Variants in ZPBP observed in about 807,000 individuals in gnomAD.
The protein encoded by ZPBP is zona pellucida-binding protein 1.
In ZPBP, 26 loss-of-function variants were observed where a neutral mutation model predicts 44.8. That is an observed-to-expected ratio of 0.58 (90% confidence interval 0.43 to 0.81). ZPBP has a LOEUF of 0.81. ZPBP is among the 30% of genes least tolerant of loss of function. The pLI, the probability that ZPBP is intolerant of heterozygous loss-of-function variation, is 0.00. For synonymous variants in ZPBP, 174 were observed against 153.2 expected, an observed-to-expected ratio of 1.14 and a Z score of -1.00; for missense variants, 409 against 434.0, an observed-to-expected ratio of 0.94 and a Z score of 0.51.
chr7:50,039,780 C>A (rs992529060), intron 4 of ZPBP, among the ~76,000 whole-genome samples: 1 of 151,928 alleles, frequency 6.6e-6, no homozygotes, highest in Non-Finnish European at 1.5e-5. Context: ...TACAAAATTA[C>A]GTAAAATAAT....
At chr7:49,931,845 G>T (rs1257974771) in intron 1 of ZPBP, among the ~76,000 whole-genome samples, 5 of 152,214 alleles carry the variant, frequency 3.3e-5, no homozygotes, top group Non-Finnish European at 7.3e-5. Context: ...AAGGCCTAGG[G>T]CCCCCCTGCT....
chr7:50,001,864 T>G (rs969186904), intron 6 of ZPBP, among the ~76,000 whole-genome samples: 9 of 152,166 alleles, frequency 5.9e-5, no homozygotes, highest in Admixed American at 2.0e-4. Flanking sequence ...GAGTGAGCCC[T>G]CAGAACTGTG....
intron 3 of ZPBP, among the ~76,000 whole-genome samples, chr7:50,075,336 A>G (rs1802028554): frequency 6.6e-6 from 1 of 151,986 alleles, no homozygotes; most frequent in East Asian, 1.9e-4. Flanking sequence ...AAAACTTCAA[A>G]TAATCTAACA....
At chr7:49,903,993 A>G (rs1000057468) in intron 1 of ZPBP, among the ~76,000 whole-genome samples, 2 of 152,152 alleles carry the variant, frequency 1.3e-5, no homozygotes, top group Non-Finnish European at 2.9e-5. Context: ...GCATGGGGGA[A>G]GGCTGGTCAC....
chr7:50,086,851 T>C (rs1330902675), intron 2 of ZPBP, among the ~76,000 whole-genome samples: 1 of 152,022 alleles, frequency 6.6e-6, no homozygotes, highest in Admixed American at 6.6e-5. Flanking sequence ...TTAACTCCAA[T>C]TATGATAAAC....
intron 1 of ZPBP, among the ~76,000 whole-genome samples, chr7:49,926,780 G>T (rs1314853354): frequency 6.6e-6 from 1 of 152,128 alleles, no homozygotes; most frequent in African/African-American, 2.4e-5. Context: ...GAGAGGAGGG[G>T]CTGGGAGATC....
chr7:49,933,606 T>C (rs1794523283), downstream of ZPBP, among the ~76,000 whole-genome samples: 1 of 152,184 alleles, frequency 6.6e-6, no homozygotes, highest in Non-Finnish European at 1.5e-5. Context: ...TGCAAACGTA[T>C]GTTTATTGCG....
chr7:50,090,550 C>T (rs9784963), intron 1 of ZPBP, among the ~76,000 whole-genome samples: 124,969 of 150,620 alleles, frequency 0.83, 51,817 homozygotes, highest in East Asian at 0.88. Flanking sequence ...TATATGTGTG[C>T]ATATATATGC....
At chr7:50,089,740 C>A (rs1293952082) in intron 1 of ZPBP, 31 bp from the exon 2 acceptor site, 3 of 1,524,684 alleles carry the variant, frequency 2.0e-6, no homozygotes, top group Admixed American at 1.7e-5. Flanking sequence ...CAATTTGTCT[C>A]ATTAGATATT....
intron 2 of ZPBP, among the ~76,000 whole-genome samples, chr7:50,083,922 CA>C (rs1802498924): frequency 1.3e-5 from 2 of 151,764 alleles, no homozygotes; most frequent in African/African-American, 4.8e-5. Flanking sequence ...TATCTCAATG[CA>C]AAAAGCACAA....
chr7:49,953,673 G>A (rs955012077), intron 7 of ZPBP, among the ~76,000 whole-genome samples: 12 of 151,976 alleles, frequency 7.9e-5, no homozygotes, highest in African/African-American at 2.9e-4. Flanking sequence ...CACAATGTTG[G>A]AATCTAAACA....
downstream of ZPBP, among the ~76,000 whole-genome samples, chr7:49,932,489 G>A (rs1368411062): frequency 3.9e-5 from 6 of 152,196 alleles, no homozygotes; most frequent in African/African-American, 7.2e-5. Flanking sequence ...CAGCCCCTTC[G>A]TTTTGGCCAA....
At chr7:50,092,816 T>G in intron 1 of ZPBP, 1 of 442,092 alleles carries the variant, frequency 2.3e-6, no homozygotes, top group South Asian at 3.6e-5. Flanking sequence ...ACAAAGCAAT[T>G]TAATTGTAAA....
chr7:49,876,062 TGTTCAGAGTTTGTG>T (rs1791402949), intron 2 of ZPBP, among the ~76,000 whole-genome samples: 1 of 152,138 alleles, frequency 6.6e-6, no homozygotes, highest in African/African-American at 2.4e-5. Context: ...GTATCAAAAT[TGTTCAGAGTTTGTG>T]GTTTGAAGTT....
At chr7:49,870,357 G>A (rs4917095) in intron 2 of ZPBP, among the ~76,000 whole-genome samples, 92,500 of 152,050 alleles carry the variant, frequency 0.61, 29,603 homozygotes, top group East Asian at 0.88. Context: ...CGAAGATTGC[G>A]CCACTGCACT....
intron 2 of ZPBP, among the ~76,000 whole-genome samples, chr7:49,854,473 G>A (rs1790332531): frequency 6.6e-6 from 1 of 152,138 alleles, no homozygotes; most frequent in Non-Finnish European, 1.5e-5. Context: ...GTGATGATGA[G>A]CATTTTTTCA....
chr7:49,862,726 G>GTTT (rs3062198), intron 2 of ZPBP, among the ~76,000 whole-genome samples: 4,414 of 143,470 alleles, frequency 0.031, 195 homozygotes, highest in African/African-American at 0.11. Flanking sequence ...ATGACCATGA[G>GTTT]TTTTTTTTTT....
At chr7:50,072,804 A>T (rs945865288) in intron 3 of ZPBP, among the ~76,000 whole-genome samples, 3 of 152,232 alleles carry the variant, frequency 2.0e-5, no homozygotes, top group African/African-American at 7.2e-5. Context: ...AAACAGACAC[A>T]ATTTACATCA....
intron 2 of ZPBP, among the ~76,000 whole-genome samples, chr7:49,882,852 GT>G (rs953717391): frequency 1.3e-5 from 2 of 151,334 alleles, no homozygotes; most frequent in African/African-American, 2.4e-5. Flanking sequence ...GTGTTTTTGG[GT>G]TTTTTTTGTT....
Sources: gnomAD v4.1 joint callset for allele counts (sites outside exome capture counted in the v4.1 genomes callset) on GRCh38, gnomAD v4.1.1 for gene constraint, MANE v1.5 for transcripts, NCBI Gene and HGNC (gene_info 2026-07-23, HGNC 2026-07-21) for gene names.